The following ARMC2 variants were observed in gnomAD, a reference collection of about 807,000 sequenced individuals.
ARMC2 encodes armadillo repeat-containing protein 2.
ARMC2 carries 67 observed loss-of-function variants against 90.3 expected under a neutral mutation model. The ratio of observed to expected loss-of-function variants is 0.74; its 90% CI spans 0.61 to 0.91. ARMC2 has a LOEUF of 0.91. ARMC2 is among the 40% of genes least tolerant of loss of function. ARMC2 has a pLI of 0.00. For synonymous variants in ARMC2, 393 were observed against 393.0 expected, an observed-to-expected ratio of 1.00 and a Z score of 0.00; for missense variants, 920 against 1,030.9, an observed-to-expected ratio of 0.89 and a Z score of 1.47.
At chr6:109,001,557 C>G in the ARMC2 span, 3 of 1,304,354 alleles carry the variant, frequency 2.3e-6, no homozygotes, top group Non-Finnish European at 2.2e-6. Context: ...AATATACATG[C>G]GCTACACTCT....
At chr6:108,977,601 G>A (rs970953114), downstream of ARMC2, among the ~76,000 whole-genome samples, 4 of 152,182 alleles carry the variant, frequency 2.6e-5, no homozygotes, top group African/African-American at 9.6e-5. Flanking sequence ...ACCTCTGGTA[G>A]AATTAGACTG....
At chr6:108,933,184 T>G (rs1454282408) in intron 11 of ARMC2, among the ~76,000 whole-genome samples, 1 of 152,192 alleles carries the variant, frequency 6.6e-6, no homozygotes, top group Non-Finnish European at 1.5e-5. Context: ...TGGTACAAAT[T>G]CTTCCTATCC....
At chr6:108,857,339 T>A (rs1168641819) in intron 2 of ARMC2, among the ~76,000 whole-genome samples, 1 of 152,234 alleles carries the variant, frequency 6.6e-6, no homozygotes, top group Non-Finnish European at 1.5e-5. Flanking sequence ...TAAATGATAA[T>A]GTGTTTTCAT....
the ARMC2 span, chr6:109,009,073 T>A: frequency 4.5e-6 from 4 of 897,338 alleles, no homozygotes; most frequent in Admixed American, 4.8e-5. Context: ...GAGACTTTCA[T>A]TTACATGACC....
chr6:109,034,244 A>G, the ARMC2 span, among the ~76,000 whole-genome samples: 1 of 152,184 alleles, frequency 6.6e-6, no homozygotes, highest in Non-Finnish European at 1.5e-5. Context: ...CTTGAATAAT[A>G]TGTATTTGAG....
At chr6:108,900,779 C>T (rs951247805) in intron 7 of ARMC2, among the ~76,000 whole-genome samples, 4 of 152,156 alleles carry the variant, frequency 2.6e-5, no homozygotes, top group African/African-American at 4.8e-5. Flanking sequence ...GTCACCTAGA[C>T]TCTGTGTGCA....
rs531948651 is a variant in ARMC2 at position 108,864,103 on chromosome 6, G to GA, written c.292-4719dup. Among the ~76,000 whole-genome samples the GA allele has an allele frequency of 2.0e-3, 297 of 152,296 alleles. 1 individual carries two copies. Among genetic ancestry groups the GA allele is most frequent in the African/African-American group, 6.9e-3 (286 of 41,566 alleles). On this transcript the variant is annotated intron_variant, in intron 3 of 17. Coordinates refer to ENST00000392644, the MANE Select transcript of ARMC2 (RefSeq NM_032131.6). ...CAGTGTTTTTTCTTTCACAATTGCT[G>GA]AAGCAAACAGTGACATTACAACAGT...
chr6:108,918,799 A>C (rs1774255774), intron 10 of ARMC2, among the ~76,000 whole-genome samples: 1 of 152,262 alleles, frequency 6.6e-6, no homozygotes, highest in Admixed American at 6.5e-5. Flanking sequence ...ATCGTCTAGT[A>C]AAGCGCCCAT....
At chr6:109,003,991 C>T in the ARMC2 span, among the ~76,000 whole-genome samples, 1 of 152,036 alleles carries the variant, frequency 6.6e-6, no homozygotes, top group African/African-American at 2.4e-5. Context: ...TGTTTTATAA[C>T]TAAGAGACTT....
At chr6:108,998,391 A>C in the ARMC2 span, 227 of 979,446 alleles carry the variant, frequency 2.3e-4, no homozygotes, top group Non-Finnish European at 2.9e-4. Context: ...GAATAGATAT[A>C]GGGGCCCAAT....
At chr6:108,876,487 G>A in intron 5 of ARMC2, 137 bp downstream of exon 5, 1 of 796,078 alleles carries the variant, frequency 1.3e-6, no homozygotes, top group Non-Finnish European at 2.0e-6. Context: ...ACATGAATAG[G>A]AGAGACTACT....
the ARMC2 span, chr6:109,002,468 T>C: frequency 5.7e-6 from 4 of 695,898 alleles, no homozygotes; most frequent in Non-Finnish European, 1.0e-5. Context: ...TTTGTTTTCA[T>C]GGCTGTATAT....
At chr6:109,037,310 G>C in the ARMC2 span, among the ~76,000 whole-genome samples, 1 of 152,122 alleles carries the variant, frequency 6.6e-6, no homozygotes, top group Non-Finnish European at 1.5e-5. Context: ...TTTTAAATTG[G>C]AATTTAGGGC....
downstream of ARMC2, among the ~76,000 whole-genome samples, chr6:108,978,759 T>C (rs1052289346): frequency 5.9e-5 from 9 of 152,182 alleles, no homozygotes; most frequent in African/African-American, 9.7e-5. Flanking sequence ...TGCCCTTCTT[T>C]GTCTCTTTTG....
chr6:109,018,185 T>C, the ARMC2 span, among the ~76,000 whole-genome samples: 1 of 152,214 alleles, frequency 6.6e-6, no homozygotes, highest in African/African-American at 2.4e-5. Context: ...TTAGAGATAT[T>C]ATAAAATATT....
intron 10 of ARMC2, among the ~76,000 whole-genome samples, chr6:108,923,876 C>T (rs1056691971): frequency 6.6e-6 from 1 of 152,128 alleles, no homozygotes; most frequent in Non-Finnish European, 1.5e-5. Flanking sequence ...AGGGAAAAAC[C>T]TCTCTTTTGT....
intron 6 of ARMC2, among the ~76,000 whole-genome samples, chr6:108,896,242 C>A (rs1012037173): frequency 2.0e-5 from 3 of 152,074 alleles, no homozygotes; most frequent in Admixed American, 1.3e-4. Flanking sequence ...ACAACTATAA[C>A]CACTGAGACA....
chr6:108,891,949 C>T (rs762606121), intron 5 of ARMC2, among the ~76,000 whole-genome samples: 1 of 152,144 alleles, frequency 6.6e-6, no homozygotes, highest in Non-Finnish European at 1.5e-5. Flanking sequence ...ACTGGGAGAC[C>T]CAGCACTGCT....
chr6:109,018,667 T>C, the ARMC2 span, among the ~76,000 whole-genome samples: 1 of 152,354 alleles, frequency 6.6e-6, no homozygotes, highest in African/African-American at 2.4e-5. Context: ...TAATAAAGAA[T>C]GCAAGTAGTT....
Sources: allele counts gnomAD v4.1 joint callset (sites outside exome capture counted in the v4.1 genomes callset), GRCh38; gene constraint gnomAD v4.1.1; transcripts MANE v1.5; gene names NCBI Gene and HGNC (gene_info 2026-07-23, HGNC 2026-07-21).